DHX15: variants seen among roughly 807,000 people sequenced by gnomAD.
DHX15 encodes the protein DEAH-box helicase 15.
Under a neutral mutation model 94.4 loss-of-function variants are expected in DHX15, and 11 were observed. The observed-to-expected ratio is 0.12, with a 90% confidence interval of 0.07 to 0.19. The LOEUF (loss-of-function observed/expected upper bound fraction) is 0.19, where lower values mean the gene tolerates loss of function less well. Ranked by LOEUF, DHX15 falls within the 10% of genes least tolerant of loss-of-function variation. The pLI, the probability that DHX15 is intolerant of heterozygous loss-of-function variation, is 1.00. For missense variants in DHX15, 304 were observed against 988.5 expected (o/e 0.31, Z 9.29); for synonymous variants, 338 against 329.9 (o/e 1.02, Z -0.27).
intron 3 of DHX15, among the ~76,000 whole-genome samples, chr4:24,558,530 T>C (rs1171764831): frequency 1.3e-5 from 2 of 152,144 alleles, no homozygotes; most frequent in African/African-American, 4.8e-5. Flanking sequence ...ATTAGATTAA[T>C]GGAAATATTT....
At chr4:24,561,138 A>G (rs1721866025) in intron 3 of DHX15, among the ~76,000 whole-genome samples, 1 of 152,254 alleles carries the variant, frequency 6.6e-6, no homozygotes, top group African/African-American at 2.4e-5. Flanking sequence ...GTAAGAGGAT[A>G]CGGAGGACAG....
intron 10 of DHX15, chr4:24,538,221 T>C (rs1173615049): frequency 6.6e-6 from 1 of 152,178 alleles, no homozygotes; most frequent in Non-Finnish European, 1.5e-5. Flanking sequence ...ATGAAAAAAT[T>C]CATAAATTAT....
Position 24,584,337 on chromosome 4 carries a change from A to C in DHX15, c.57T>G (p.Arg19=). The C allele has an allele frequency of 6.2e-6, 10 of 1,612,792 alleles. No homozygotes were observed. The highest frequency in any genetic ancestry group is 7.6e-6 in the Non-Finnish European group (9 of 1,179,580). ...GCCTGGCTTACCCATCGGTCCCCGCACGCTTCTTGCCAGAGGGGTAATCCT... is the reference window on the plus strand; with the variant it reads ...GCCTGGCTTACCCATCGGTCCCCGCCCGCTTCTTGCCAGAGGGGTAATCCT... ...LGEDYPSGKK[R]AGTDGKDRDR... The change falls in exon 1 of 14, where the codon CGT becomes CGG. Residue 19 remains arginine (R), a synonymous_variant. Transcript: ENST00000336812.
intron 3 of DHX15, among the ~76,000 whole-genome samples, chr4:24,557,630 T>C (rs1487423369): frequency 1.3e-5 from 2 of 152,198 alleles, no homozygotes; most frequent in Non-Finnish European, 2.9e-5. Context: ...TCCTTGGTCA[T>C]ATTTTTAAAA....
chr4:24,583,106 T>G (rs1398990858), intron 1 of DHX15, among the ~76,000 whole-genome samples: 1 of 152,166 alleles, frequency 6.6e-6, no homozygotes, highest in African/African-American at 2.4e-5. Context: ...GCTATACAGG[T>G]GACTTGACAC....
intron 1 of DHX15, among the ~76,000 whole-genome samples, chr4:24,579,947 G>A (rs889336778): frequency 1.3e-5 from 2 of 152,096 alleles, no homozygotes; most frequent in African/African-American, 4.8e-5. Context: ...TGTATTTTTA[G>A]TAGAGACGAG....
chr4:24,559,500 AC>A (rs1721817336), intron 3 of DHX15, among the ~76,000 whole-genome samples: 1 of 152,142 alleles, frequency 6.6e-6, no homozygotes, highest in Non-Finnish European at 1.5e-5. Flanking sequence ...AGAATCAGGC[AC>A]TGGAGATAAA....
intron 3 of DHX15, among the ~76,000 whole-genome samples, chr4:24,570,234 G>C (rs1294953586): frequency 6.6e-6 from 1 of 152,162 alleles, no homozygotes; most frequent in African/African-American, 2.4e-5. Context: ...GGTAATAGCT[G>C]CATAATTAAC....
intron 3 of DHX15, 83 bp downstream of exon 3, chr4:24,570,571 G>T: frequency 1.6e-6 from 2 of 1,271,636 alleles, no homozygotes; most frequent in Non-Finnish European, 2.3e-6. Flanking sequence ...GATGACATAA[G>T]CCTGCACTAG....
chr4:24,561,986 C>T (rs575338195), intron 3 of DHX15, among the ~76,000 whole-genome samples: 1 of 152,050 alleles, frequency 6.6e-6, no homozygotes, highest in East Asian at 1.9e-4. Flanking sequence ...CAAAAATTCA[C>T]CAGGCGTGGT....
chr4:24,575,839 G>A (rs374604757), intron 2 of DHX15, among the ~76,000 whole-genome samples: 6 of 152,080 alleles, frequency 3.9e-5, no homozygotes, highest in Admixed American at 6.5e-5. Flanking sequence ...AAAAGTCACC[G>A]GTATAGACTT....
At position 24,535,303 on chromosome 4, in the gene DHX15, G is replaced by C. The variant is rs1467248029; in HGVS notation, c.1909+1748C>G. Reference sequence around the variant, plus strand: ...TATTTTGATGTATTTATCAGAAATAGGTCATACATCTAGTGAGTGGATAAC... The same window carrying C: ...TATTTTGATGTATTTATCAGAAATACGTCATACATCTAGTGAGTGGATAAC... On this transcript the variant is annotated intron_variant, in intron 11 of 13. Coordinates refer to ENST00000336812, the MANE Select transcript of DHX15 (RefSeq NM_001358.3). Among the ~76,000 whole-genome samples the C allele has an allele frequency of 2.0e-5, 3 of 152,110 alleles. 1 individual carries two copies. Among genetic ancestry groups the C allele is most frequent in the Non-Finnish European group, 4.4e-5 (3 of 68,028 alleles).
At chr4:24,567,482 C>A (rs979126070) in intron 3 of DHX15, among the ~76,000 whole-genome samples, 1 of 151,340 alleles carries the variant, frequency 6.6e-6, no homozygotes, top group Non-Finnish European at 1.5e-5. Flanking sequence ...GAGGCTGAGG[C>A]AGGAGAATGG....
At chr4:24,534,939 T>A (rs920573652) in intron 11 of DHX15, among the ~76,000 whole-genome samples, 2 of 145,088 alleles carry the variant, frequency 1.4e-5, no homozygotes, top group Non-Finnish European at 3.1e-5. Flanking sequence ...CACGTGGGGA[T>A]CTGGCAAAGT....
At chr4:24,530,040 T>G in intron 12 of DHX15, 1 of 498,692 alleles carries the variant, frequency 2.0e-6, no homozygotes, top group South Asian at 2.4e-5. Context: ...AAACATTCCG[T>G]GAAGCATGAG....
At chr4:24,584,186 G>T in intron 1 of DHX15, 137 bp downstream of exon 1, 1 of 917,634 alleles carries the variant, frequency 1.1e-6, no homozygotes, top group Non-Finnish European at 1.6e-6. Flanking sequence ...TCTCCTACCC[G>T]CCGCTAGTGA....
intron 5 of DHX15, among the ~76,000 whole-genome samples, chr4:24,550,144 A>G (rs1257167890): frequency 6.7e-6 from 1 of 148,744 alleles, no homozygotes; most frequent in Admixed American, 6.8e-5. Context: ...CAGTACACTC[A>G]TATAGGGCAT....
rs1722104229 is a variant in DHX15, at chr4:24,570,709, C to G, written c.646G>C (p.Glu216Gln). 1 of 1,614,040 alleles carries G rather than the reference C, an allele frequency of 6.2e-7. No homozygotes were observed. Among genetic ancestry groups the G allele is most frequent in the African/African-American group, 1.3e-5 (1 of 74,914 alleles). The change falls in exon 3 of 14, where the codon GAA becomes CAA. Residue 216 changes from glutamate (E) to glutamine (Q), a missense_variant. Physicochemically the swap from Glu to Gln is conservative, Grantham distance 29. Transcript: ENST00000336812. Reference sequence around the variant, plus strand: ...TCAAATCGAATGGAGTAACCAACTTCCTGGCCCAACATCACATCCATCTCA... The same window carrying G: ...TCAAATCGAATGGAGTAACCAACTTGCTGGCCCAACATCACATCCATCTCA... Reference protein sequence around the residue: ...ADEMDVMLGQEVGYSIRFEDC... With the variant: ...ADEMDVMLGQQVGYSIRFEDC...
intron 10 of DHX15, chr4:24,538,088 T>G (rs1721232162): frequency 6.6e-6 from 1 of 152,214 alleles, no homozygotes; most frequent in Non-Finnish European, 1.5e-5. Context: ...CTACATTTTT[T>G]GAAATACAAC....
Sources: gnomAD v4.1 joint callset for allele counts (sites outside exome capture counted in the v4.1 genomes callset) on GRCh38, gnomAD v4.1.1 for gene constraint, MANE v1.5 for transcripts, NCBI Gene and HGNC (gene_info 2026-07-23, HGNC 2026-07-21) for gene names.